CTNNA3: variants seen among roughly 807,000 people sequenced by gnomAD.
CTNNA3 encodes catenin alpha-3.
CTNNA3 carries 76 observed loss-of-function variants against 95.7 expected under a neutral mutation model. The ratio of observed to expected loss-of-function variants is 0.79; its 90% CI spans 0.66 to 0.96. CTNNA3 has a LOEUF of 0.96. Ranked by LOEUF, CTNNA3 falls within the 40% of genes least tolerant of loss-of-function variation. CTNNA3 has a pLI of 0.00. For missense variants in CTNNA3, 1,191 were observed against 1,089.8 expected (o/e 1.09, Z -1.31); for synonymous variants, 431 against 374.4 (o/e 1.15, Z -1.74).
rs372607661 is a variant in CTNNA3 at position 67,225,209 on chromosome 10, C to T, written c.580-5339G>A. Among the ~76,000 whole-genome samples the T allele has an allele frequency of 2.4e-4, 37 of 152,250 alleles. No individual in the cohort carries two copies. The East Asian group carries it at 7.0e-3, about 29-fold the overall frequency. On this transcript the variant is annotated intron_variant, in intron 5 of 17. Coordinates refer to ENST00000433211, the MANE Select transcript of CTNNA3 (RefSeq NM_013266.4). ...ATCTCACTCCCACCCCCTACAGCAG[C>T]CACAGCAAGACCCACCCAAGGACAG...
rs530964875 is a variant in CTNNA3 at position 65,912,801 on chromosome 10, A to G, written c.*7529T>C. ...AATGTCATAGGAAAGAGCTTTTTCT[A>G]TTTCTGGATAAATATTTCATTTTTA... On this transcript the variant is annotated 3_prime_UTR_variant, in exon 18 of 18. Coordinates refer to ENST00000433211, the MANE Select transcript of CTNNA3 (RefSeq NM_013266.4). 13 of 152,232 alleles carry G rather than the reference A, an allele frequency of 8.5e-5. No homozygotes were observed. The highest frequency in any genetic ancestry group is 2.6e-4 in the African/African-American group (11 of 41,540). The allele number at this position is 152,232 out of a possible 1,614,324, so 9.4% of individuals were successfully genotyped here.
At chr10:67,336,777 T>C (rs1051203652) in intron 5 of CTNNA3, among the ~76,000 whole-genome samples, 1 of 152,166 alleles carries the variant, frequency 6.6e-6, no homozygotes, top group Non-Finnish European at 1.5e-5. Context: ...CCTTAAGAAC[T>C]GTGATAAATC....
intron 15 of CTNNA3, among the ~76,000 whole-genome samples, chr10:66,029,979 T>C (rs1017274459): frequency 1.3e-5 from 2 of 152,038 alleles, no homozygotes; most frequent in Non-Finnish European, 1.5e-5. Context: ...AATCAGGCAA[T>C]TGAACAAAGC....
intron 7 of CTNNA3, among the ~76,000 whole-genome samples, chr10:67,010,885 A>T (rs1328834537): frequency 1.3e-5 from 2 of 152,194 alleles, no homozygotes; most frequent in African/African-American, 4.8e-5. Flanking sequence ...CTTTATGGTT[A>T]ACATTATTTC....
intron 13 of CTNNA3, chr10:66,118,418 T>C (rs990964873): frequency 1.2e-4 from 19 of 152,316 alleles, no homozygotes; most frequent in African/African-American, 4.3e-4. Context: ...TGAAGGTATA[T>C]GCTAAAGAAA....
intron 12 of CTNNA3, among the ~76,000 whole-genome samples, chr10:66,371,983 G>C (rs376371648): frequency 6.6e-6 from 1 of 152,180 alleles, no homozygotes; most frequent in African/African-American, 2.4e-5. Context: ...GTGTGGTCCA[G>C]TGTCATAATG....
rs563105978 is a variant in CTNNA3, at chr10:67,653,776, C to T, written c.-5-6258G>A. 7.9e-5 allele frequency among the ~76,000 whole-genome samples: 12 copies of T among 152,184 alleles called. 1 individual carries two copies. The South Asian group carries it at 2.5e-3, about 32-fold the overall frequency. ...TAACCCTGGGCAAAAGCTTCCCCAC[C>T]CCCTATCCTCATGCTTTGGAAGTGT... is the stretch of plus-strand genomic sequence containing the variant. On this transcript the variant is annotated intron_variant, in intron 1 of 17. Transcript: ENST00000433211.
chr10:67,658,037 G>A (rs879323274), intron 1 of CTNNA3, among the ~76,000 whole-genome samples: 11 of 151,866 alleles, frequency 7.2e-5, no homozygotes, highest in Admixed American at 1.3e-4. Flanking sequence ...ACATCCTTTC[G>A]CTTCACCCTG....
intron 6 of CTNNA3, among the ~76,000 whole-genome samples, chr10:67,190,730 C>G (rs1863082344): frequency 6.6e-6 from 1 of 151,788 alleles, no homozygotes; most frequent in Non-Finnish European, 1.5e-5. Flanking sequence ...GTTAGGTTTA[C>G]ACTGTTTAAA....
chr10:66,934,800 T>A (rs1847599665), intron 7 of CTNNA3, among the ~76,000 whole-genome samples: 1 of 152,154 alleles, frequency 6.6e-6, no homozygotes, highest in Non-Finnish European at 1.5e-5. Context: ...AAATACTACA[T>A]TTAGCAAAGG....
intron 12 of CTNNA3, among the ~76,000 whole-genome samples, chr10:66,328,375 C>T (rs1253663074): frequency 6.6e-6 from 1 of 152,020 alleles, no homozygotes; most frequent in Non-Finnish European, 1.5e-5. Flanking sequence ...TAAGTAGTAT[C>T]AAGTGGCAGC....
At chr10:66,461,043 A>T (rs1342036762) in intron 11 of CTNNA3, among the ~76,000 whole-genome samples, 2 of 152,170 alleles carry the variant, frequency 1.3e-5, no homozygotes, top group Non-Finnish European at 1.5e-5. Context: ...TTATGGTTGA[A>T]GTAATGAAGA....
intron 1 of CTNNA3, among the ~76,000 whole-genome samples, chr10:67,713,494 T>C (rs879104578): frequency 6.6e-6 from 1 of 152,224 alleles, no homozygotes; most frequent in Non-Finnish European, 1.5e-5. Context: ...CATATGTTTA[T>C]TGCAGCGCTA....
chr10:66,233,799 C>T (rs978052665), intron 13 of CTNNA3, among the ~76,000 whole-genome samples: 1 of 152,142 alleles, frequency 6.6e-6, no homozygotes, highest in African/African-American at 2.4e-5. Context: ...TCTAAGAACT[C>T]TTCTCCCAGG....
intron 7 of CTNNA3, among the ~76,000 whole-genome samples, chr10:66,777,823 T>C (rs1233254860): frequency 8.2e-6 from 1 of 121,444 alleles, no homozygotes; most frequent in African/African-American, 2.9e-5. Flanking sequence ...ACACACACAG[T>C]ATCAGGAATA....
chr10:66,523,945 G>A (rs1423596268), intron 10 of CTNNA3, among the ~76,000 whole-genome samples: 2 of 152,184 alleles, frequency 1.3e-5, no homozygotes, highest in South Asian at 2.1e-4. Flanking sequence ...CCGTCCCCAG[G>A]TTGGTCCTTA....
At chr10:66,930,331 A>G (rs1847304780) in intron 7 of CTNNA3, among the ~76,000 whole-genome samples, 1 of 152,208 alleles carries the variant, frequency 6.6e-6, no homozygotes, top group East Asian at 1.9e-4. Context: ...CATATTTCCA[A>G]TGGATTAATA....
chr10:67,434,321 G>T (rs1018389314), intron 5 of CTNNA3, among the ~76,000 whole-genome samples: 1 of 151,886 alleles, frequency 6.6e-6, no homozygotes, highest in Non-Finnish European at 1.5e-5. Context: ...GTTGTCATTA[G>T]TACTAAATAG....
chr10:67,647,377 G>T, intron 2 of CTNNA3, 38 bp downstream of exon 2: 5 of 1,372,782 alleles, frequency 3.6e-6, no homozygotes, highest in South Asian at 1.3e-5. Flanking sequence ...TCATTCTTCT[G>T]CAGTTACTAT....
Sources: gnomAD v4.1 joint callset for allele counts (sites outside exome capture counted in the v4.1 genomes callset) on GRCh38, gnomAD v4.1.1 for gene constraint, MANE v1.5 for transcripts, NCBI Gene and HGNC (gene_info 2026-07-23, HGNC 2026-07-21) for gene names.